The following SAMD12 variants were observed in gnomAD, a reference collection of about 807,000 sequenced individuals.
SAMD12 encodes the protein sterile alpha motif domain containing 12.
SAMD12 carries 9 observed loss-of-function variants against 15.0 expected under a neutral mutation model. That is an observed-to-expected ratio of 0.60 (90% CI 0.36 to 1.05). The LOEUF is 1.05. SAMD12 is among the 50% of genes least tolerant of loss of function. The probability of loss-of-function intolerance (pLI) is 0.01; values close to 1 mark genes in which losing one functional copy is unlikely to be tolerated. For missense variants in SAMD12, 230 were observed against 234.2 expected (o/e 0.98, Z 0.12); for synonymous variants, 86 against 90.1 (o/e 0.96, Z 0.25).
At chr8:118,197,683 G>A in exon 5 of SAMD12, 2 of 1,604,894 alleles carry the variant, frequency 1.2e-6, no homozygotes, top group Non-Finnish European at 1.7e-6. Flanking sequence ...CAACTGGCAG[G>A]ACAGCAGCTT....
intron 4 of SAMD12, among the ~76,000 whole-genome samples, chr8:118,283,081 C>G (rs1437924064): frequency 2.0e-5 from 3 of 152,006 alleles, no homozygotes; most frequent in Non-Finnish European, 4.4e-5. Flanking sequence ...CAATAGCTGA[C>G]CAGGACTCAC....
chr8:118,574,589 T>C (rs1827103080), intron 2 of SAMD12, among the ~76,000 whole-genome samples: 1 of 152,228 alleles, frequency 6.6e-6, no homozygotes, highest in African/African-American at 2.4e-5. Context: ...ATATATCATA[T>C]TAATTGTCAT....
chr8:118,234,342 G>A (rs559609928), intron 4 of SAMD12, among the ~76,000 whole-genome samples: 1 of 152,136 alleles, frequency 6.6e-6, no homozygotes, highest in South Asian at 2.1e-4. Flanking sequence ...ATCATCATCT[G>A]AAATTACACA....
At chr8:118,213,517 C>T (rs1476485693) in intron 4 of SAMD12, among the ~76,000 whole-genome samples, 3 of 152,188 alleles carry the variant, frequency 2.0e-5, no homozygotes, top group Admixed American at 6.5e-5. Flanking sequence ...GATGTGGATC[C>T]TCAGTCCCCA....
At chr8:118,174,761 C>A in the SAMD12 span, among the ~76,000 whole-genome samples, 1 of 152,006 alleles carries the variant, frequency 6.6e-6, no homozygotes, top group East Asian at 1.9e-4. Flanking sequence ...AAATAATATG[C>A]AATGAATATG....
rs1563861273 is a variant in SAMD12, at chr8:118,439,930, G to C, written c.224C>G (p.Ala75Gly). 1 of 1,613,678 alleles carries C rather than the reference G, an allele frequency of 6.2e-7. No homozygotes were observed. Among genetic ancestry groups the C allele is most frequent in the Non-Finnish European group, 8.5e-7 (1 of 1,179,650 alleles). The change falls in exon 3 of 4, where the codon GCT becomes GGT. Residue 75 changes from alanine to glycine, a missense_variant. Physicochemically the swap from Ala to Gly is moderately conservative, Grantham distance 60. Transcript: ENST00000314727. ...GCAGACATCCTGCTGGGTCCATAGA[G>C]CCACCGGTTTAGATAGCTTCACCGT... ...SATVKLSKPV[A>G]LWTQQDVCKW...
At chr8:118,532,361 G>A (rs1351901383) in intron 2 of SAMD12, among the ~76,000 whole-genome samples, 5 of 151,552 alleles carry the variant, frequency 3.3e-5, no homozygotes, top group African/African-American at 9.7e-5. Context: ...GAGGATTTTT[G>A]TATCAATGTT....
At chr8:118,170,500 A>G in the SAMD12 span, among the ~76,000 whole-genome samples, 21 of 152,334 alleles carry the variant, frequency 1.4e-4, no homozygotes, top group Admixed American at 1.1e-3. Context: ...TATGTAAGGC[A>G]TGCTACTGTA....
At chr8:118,348,701 A>C (rs1437501457) in intron 4 of SAMD12, among the ~76,000 whole-genome samples, 1 of 152,214 alleles carries the variant, frequency 6.6e-6, no homozygotes, top group Non-Finnish European at 1.5e-5. Flanking sequence ...AAAGTAAATG[A>C]AGTTATTTCC....
At chr8:118,515,671 T>A (rs1825221691) in intron 2 of SAMD12, among the ~76,000 whole-genome samples, 4 of 152,138 alleles carry the variant, frequency 2.6e-5, no homozygotes, top group Non-Finnish European at 2.9e-5. Flanking sequence ...CTACCCCAGG[T>A]ACCTTCCTCA....
chr8:118,167,359 C>T, the SAMD12 span, among the ~76,000 whole-genome samples: 1 of 152,076 alleles, frequency 6.6e-6, no homozygotes, highest in East Asian at 1.9e-4. Flanking sequence ...GAATGCAGCC[C>T]GTATGCTCCT....
chr8:118,472,190 G>C (rs543885237), intron 2 of SAMD12, among the ~76,000 whole-genome samples: 3 of 152,290 alleles, frequency 2.0e-5, no homozygotes, highest in African/African-American at 7.2e-5. Flanking sequence ...AGGAGGCTGA[G>C]GCAGGAGTAT....
intron 2 of SAMD12, among the ~76,000 whole-genome samples, chr8:118,547,837 G>T (rs1261136219): frequency 6.6e-6 from 1 of 152,098 alleles, no homozygotes; most frequent in Non-Finnish European, 1.5e-5. Flanking sequence ...CAGATTTGAT[G>T]TGTTAATTCT....
the SAMD12 span, among the ~76,000 whole-genome samples, chr8:118,176,307 G>GA: frequency 6.6e-6 from 1 of 151,546 alleles, no homozygotes; most frequent in Admixed American, 6.6e-5. Context: ...TCTAAAAAAA[G>GA]AAAAAAAGAA....
intron 3 of SAMD12, among the ~76,000 whole-genome samples, chr8:118,408,390 T>C (rs1438212146): frequency 1.3e-5 from 2 of 152,154 alleles, no homozygotes; most frequent in Non-Finnish European, 2.9e-5. Flanking sequence ...ACTCTGCAAC[T>C]TTATTCCAAA....
chr8:118,590,626 T>C (rs1023192912), intron 1 of SAMD12, among the ~76,000 whole-genome samples: 2 of 152,244 alleles, frequency 1.3e-5, no homozygotes, highest in Non-Finnish European at 2.9e-5. Flanking sequence ...GTAAGTGGTA[T>C]CTCCTCTTTT....
At chr8:118,502,855 C>T (rs568273033) in intron 2 of SAMD12, among the ~76,000 whole-genome samples, 1 of 152,262 alleles carries the variant, frequency 6.6e-6, no homozygotes, top group African/African-American at 2.4e-5. Flanking sequence ...AGAATAGTAC[C>T]TTTGCCCAAT....
the SAMD12 span, among the ~76,000 whole-genome samples, chr8:118,136,331 A>C: frequency 1.3e-5 from 2 of 152,174 alleles, no homozygotes; most frequent in Non-Finnish European, 2.9e-5. Flanking sequence ...TGCCTGGCCT[A>C]TCTGGCTTCT....
intron 4 of SAMD12, among the ~76,000 whole-genome samples, chr8:118,261,422 G>A (rs1813074520): frequency 6.6e-6 from 1 of 151,958 alleles, no homozygotes; most frequent in Non-Finnish European, 1.5e-5. Flanking sequence ...ATGACACTTG[G>A]GGAGACAAGA....
Sources: gnomAD v4.1 joint callset for allele counts (sites outside exome capture counted in the v4.1 genomes callset) on GRCh38, gnomAD v4.1.1 for gene constraint, MANE v1.5 for transcripts, NCBI Gene and HGNC (gene_info 2026-07-23, HGNC 2026-07-21) for gene names.